PYGO1: variants seen among roughly 807,000 people sequenced by gnomAD.
PYGO1 encodes the protein pygopus family PHD finger 1.
Under a neutral mutation model 29.5 loss-of-function variants are expected in PYGO1, and 6 were observed. That is an observed-to-expected ratio of 0.20 (90% CI 0.11 to 0.40). The LOEUF (loss-of-function observed/expected upper bound fraction) is 0.40. PYGO1 is among the 10% of genes least tolerant of loss of function. The pLI is 1.00. For synonymous variants in PYGO1, 186 were observed against 180.5 expected (o/e 1.03, Z -0.24); for missense variants, 515 against 514.9 (o/e 1.00, Z 0.00).
intron 1 of PYGO1, among the ~76,000 whole-genome samples, chr15:55,557,373 T>C (rs2058910957): frequency 6.6e-6 from 1 of 151,972 alleles, no homozygotes; most frequent in Admixed American, 6.6e-5. Context: ...CCAAAAAAAG[T>C]CCAGGACCAG....
intron 1 of PYGO1, among the ~76,000 whole-genome samples, chr15:55,556,404 G>A (rs967250062): frequency 6.6e-6 from 1 of 151,956 alleles, no homozygotes; most frequent in African/African-American, 2.4e-5. Flanking sequence ...ATGACTCCCG[G>A]GTAAATACTG....
At chr15:55,552,258 G>A (rs1381535524) in intron 1 of PYGO1, among the ~76,000 whole-genome samples, 1 of 151,152 alleles carries the variant, frequency 6.6e-6, no homozygotes, top group Non-Finnish European at 1.5e-5. Flanking sequence ...GGGAGGCTAA[G>A]GCAGGGAGAA....
rs1239833272 is a variant in PYGO1, at chr15:55,541,851, CTGAT to C, written c.*4168_*4171del. 3 of 152,160 alleles carry C rather than the reference CTGAT, an allele frequency of 2.0e-5. No individual in the cohort carries two copies. Among genetic ancestry groups the C allele is most frequent in the Non-Finnish European group, 4.4e-5 (3 of 68,050 alleles). The allele number at this position is 152,160 out of a possible 1,614,324, so 9.4% of individuals were successfully genotyped here. A position where few individuals can be genotyped will look rare whatever the true frequency, so the allele number is the denominator to read the frequency against. On this transcript the variant is annotated 3_prime_UTR_variant, in exon 3 of 3. Transcript: ENST00000563719. Reference sequence around the variant, plus strand: ...CCTCTGCTTCTTTCTCCCTCCTACACTGATTGATTGGTTTCCTAAAGAAAACTGA... The same window carrying C: ...CCTCTGCTTCTTTCTCCCTCCTACACTGATTGGTTTCCTAAAGAAAACTGA...
chr15:55,573,820 A>T (rs1434858057), intron 1 of PYGO1, among the ~76,000 whole-genome samples: 1 of 152,264 alleles, frequency 6.6e-6, no homozygotes, highest in African/African-American at 2.4e-5. Flanking sequence ...ATGTTGTATT[A>T]CATACTGTGT....
intron 1 of PYGO1, among the ~76,000 whole-genome samples, chr15:55,569,561 A>G (rs2058971941): frequency 2.0e-5 from 3 of 152,218 alleles, no homozygotes. Context: ...ATTACCCAAA[A>G]GTCATTCAAG....
At position 55,587,951 on chromosome 15, in the gene PYGO1, GCTC is replaced by G. The variant is rs1176110778; in HGVS notation, c.-71_-69del. The stretch of plus-strand genomic sequence containing the variant: ...CGGTCTCTTTGATGCTGCGGCGGCG[GCTC>G]CTCCTCCTCGCGGGGCCGCTGCGGC... On this transcript the variant is annotated 5_prime_UTR_variant, in exon 1 of 3. Coordinates refer to ENST00000563719, the MANE Select transcript of PYGO1 (RefSeq NM_001367806.1). 1.7e-5 allele frequency: 25 copies of G among 1,441,508 alleles called. No individual in the cohort carries two copies. The highest frequency in any genetic ancestry group is 1.2e-4 in the East Asian group (4 of 33,192). 89.3% of individuals were successfully genotyped at this position (1,441,508 alleles called of 1,614,324 possible). A position where few individuals can be genotyped will look rare whatever the true frequency, so the allele number is the denominator to read the frequency against.
chr15:55,587,486 C>G (rs965884792), intron 1 of PYGO1, among the ~76,000 whole-genome samples: 2 of 151,658 alleles, frequency 1.3e-5, no homozygotes, highest in Admixed American at 1.3e-4. Context: ...GGGCACCGTT[C>G]GAGGTCTCTG....
In PYGO1 at chr15:55,546,925, C is replaced by G. The variant is rs563762840; in HGVS notation, c.358G>C (p.Gly120Arg). 19 of 1,614,036 alleles carry G rather than the reference C, an allele frequency of 1.2e-5. No homozygotes were observed. In the South Asian group the frequency reaches 1.5e-4, roughly 13 times the overall value. ...GGCTGGTTCCTGAGTGAGTAAGGAC[C>G]ACAGTATGGGGAAGACATTCTTGGG... ...VPPRMSSPYC[G>R]PYSLRNQPHP... Residue 120 changes from glycine (G) to arginine (R), a missense_variant, in exon 3 of 3, where the codon GGT (glycine) becomes CGT (arginine). Coordinates refer to ENST00000563719, the MANE Select transcript of PYGO1 (RefSeq NM_001367806.1).
rs1385099998 is a variant in PYGO1 at position 55,540,696 on chromosome 15, T to C, written c.*5327A>G. ...AAATGTTGGACAAAGTCTGGAAACA[T>C]TTTTTTTTCCAATTTGAATTACAGT... On this transcript the variant is annotated 3_prime_UTR_variant, in exon 3 of 3. Transcript: ENST00000563719. 6.6e-6 allele frequency: 1 copy of C among 151,588 alleles called. No homozygotes were observed. The highest frequency in any genetic ancestry group is 1.9e-4 in the East Asian group (1 of 5,182). 9.4% of individuals were successfully genotyped at this position (151,588 alleles called of 1,614,324 possible).
chr15:55,554,553 G>T (rs531523458), intron 1 of PYGO1, among the ~76,000 whole-genome samples: 3 of 151,438 alleles, frequency 2.0e-5, no homozygotes, highest in South Asian at 2.1e-4. Context: ...GGCGCCAGAA[G>T]GTCAGTAATA....
chr15:55,583,349 T>C (rs2059033032), intron 1 of PYGO1, among the ~76,000 whole-genome samples: 1 of 151,700 alleles, frequency 6.6e-6, no homozygotes, highest in Non-Finnish European at 1.5e-5. Context: ...TCTGTAAATC[T>C]ACAAATACGT....
At chr15:55,549,123 T>G in intron 1 of PYGO1, 128 bp from the exon 2 acceptor site, 1 of 602,782 alleles carries the variant, frequency 1.7e-6, no homozygotes, top group East Asian at 3.3e-5. Flanking sequence ...AATACTTTTA[T>G]TATCATTATC....
chr15:55,553,458 T>C (rs2058889206), intron 1 of PYGO1, among the ~76,000 whole-genome samples: 1 of 151,848 alleles, frequency 6.6e-6, no homozygotes, highest in Admixed American at 6.6e-5. Context: ...TGCAGTGGCG[T>C]AGCCTTGGCT....
At chr15:55,575,134 C>A (rs1014268559) in intron 1 of PYGO1, among the ~76,000 whole-genome samples, 1 of 152,140 alleles carries the variant, frequency 6.6e-6, no homozygotes, top group African/African-American at 2.4e-5. Flanking sequence ...GACTCGAAAG[C>A]CTATATATGA....
At chr15:55,553,599 T>C (rs1167356505) in intron 1 of PYGO1, among the ~76,000 whole-genome samples, 1 of 152,088 alleles carries the variant, frequency 6.6e-6, no homozygotes, top group Non-Finnish European at 1.5e-5. Flanking sequence ...TTAGTACAGA[T>C]GGGGTTTCGC....
Position 55,546,886 on chromosome 15 carries a change from G to C in PYGO1, c.397C>G (p.Gln133Glu). 6.2e-7 allele frequency: 1 copy of C among 1,614,156 alleles called. No individual in the cohort carries two copies. Among genetic ancestry groups the C allele is most frequent in the South Asian group, 1.1e-5 (1 of 91,088 alleles). Residue 133 changes from glutamine to glutamate, a missense_variant, in exon 3 of 3, where the codon CAG becomes GAG. By Grantham distance (29) the Gln-to-Glu change is conservative. Coordinates refer to ENST00000563719, the MANE Select transcript of PYGO1 (RefSeq NM_001367806.1). ...TTAAAACCCATGCCCAGAGGATTCT[G>C]AGGAAATGGGTGTGGCTGGTTCCTG... is the stretch of plus-strand genomic sequence containing the variant. ...SLRNQPHPFP[Q>E]NPLGMGFNRP...
intron 1 of PYGO1, among the ~76,000 whole-genome samples, chr15:55,568,603 G>A (rs2058967279): frequency 6.6e-6 from 1 of 151,926 alleles, no homozygotes; most frequent in South Asian, 2.1e-4. Flanking sequence ...TCTTGCCTGA[G>A]TGCTCTAACA....
Position 55,561,242 on chromosome 15 carries a change from T to C in PYGO1, c.50-12247A>G, listed in dbSNP as rs118102784. On this transcript the variant is annotated intron_variant, in intron 1 of 2. Transcript: ENST00000563719. The stretch of plus-strand genomic sequence containing the variant: ...ACAAAAATCTGCAATGGGGAATAGA[T>C]TCTCTATTTAATAAATGGTGATGGT... 7.5e-3 allele frequency among the ~76,000 whole-genome samples: 1,135 copies of C among 152,272 alleles called. 69 individuals are homozygous for C. In the East Asian group the frequency reaches 0.14, roughly 19 times the overall value.
At chr15:55,586,629 C>A (rs2059047781) in intron 1 of PYGO1, among the ~76,000 whole-genome samples, 1 of 152,350 alleles carries the variant, frequency 6.6e-6, no homozygotes, top group South Asian at 2.1e-4. Flanking sequence ...ACAATAGCTT[C>A]TTTGCTGTTG....
Sources: allele counts gnomAD v4.1 joint callset (sites outside exome capture counted in the v4.1 genomes callset), GRCh38; gene constraint gnomAD v4.1.1; transcripts MANE v1.5; gene names NCBI Gene and HGNC (gene_info 2026-07-23, HGNC 2026-07-21).